The following EML5 variants were observed in gnomAD, a reference collection of about 807,000 sequenced individuals.
EML5 encodes the protein echinoderm microtubule-associated protein-like 5.
In EML5, 120 loss-of-function variants were observed where a neutral mutation model predicts 250.0. The observed-to-expected ratio is 0.48, with a 90% confidence interval of 0.41 to 0.56. EML5 has a LOEUF of 0.56. Among genes scored for constraint, EML5 ranks in the 20% least tolerant of loss-of-function variants. The probability of loss-of-function intolerance (pLI) is 0.00; values close to 1 mark genes in which losing one functional copy is unlikely to be tolerated. For missense variants in EML5, 2,006 were observed against 2,437.6 expected, an observed-to-expected ratio of 0.82 and a Z score of 3.73; for synonymous variants, 771 against 806.5, an observed-to-expected ratio of 0.96 and a Z score of 0.75.
chr14:88,775,509 T>C (rs1205820952), intron 1 of EML5, among the ~76,000 whole-genome samples: 1 of 151,846 alleles, frequency 6.6e-6, no homozygotes, highest in Admixed American at 6.6e-5. Flanking sequence ...TGGCAGGCAG[T>C]GGCTGTAGGG....
chr14:88,647,555 G>A (rs1339809461), intron 28 of EML5, among the ~76,000 whole-genome samples: 1 of 151,628 alleles, frequency 6.6e-6, no homozygotes, highest in African/African-American at 2.4e-5. Flanking sequence ...CAATTAGCCA[G>A]GCCTGTGGCA....
intron 1 of EML5, among the ~76,000 whole-genome samples, chr14:88,777,027 A>G (rs144680945): frequency 6.6e-6 from 1 of 152,190 alleles, no homozygotes; most frequent in East Asian, 1.9e-4. Flanking sequence ...ATTCAAAGTG[A>G]TAACAACAGA....
chr14:88,695,537 T>G, intron 15 of EML5, 83 bp from the exon 16 acceptor site: 1 of 1,242,158 alleles, frequency 8.1e-7, no homozygotes, highest in Non-Finnish European at 1.1e-6. Flanking sequence ...TAAACCCACA[T>G]CCTATATTTA....
chr14:88,783,971 C>A (rs1361119812), intron 1 of EML5, among the ~76,000 whole-genome samples: 1 of 152,030 alleles, frequency 6.6e-6, no homozygotes, highest in African/African-American at 2.4e-5. Context: ...TCTTCTCTGA[C>A]CACAATGGAA....
chr14:88,766,147 G>A (rs1198952832), intron 1 of EML5, among the ~76,000 whole-genome samples: 1 of 152,064 alleles, frequency 6.6e-6, no homozygotes, highest in East Asian at 1.9e-4. Flanking sequence ...TGTCGCCTCA[G>A]GACCCTGTGA....
At chr14:88,661,593 G>C in intron 25 of EML5, 61 bp downstream of exon 25, 1 of 1,443,012 alleles carries the variant, frequency 6.9e-7, no homozygotes, top group Non-Finnish European at 9.5e-7. Context: ...GCTATGACAG[G>C]ACATTACCTT....
intron 1 of EML5, among the ~76,000 whole-genome samples, chr14:88,785,100 C>A (rs979277432): frequency 1.4e-4 from 22 of 152,240 alleles, no homozygotes; most frequent in African/African-American, 5.1e-4. Context: ...AGACAAACAT[C>A]GCATGTTCCC....
Position 88,694,854 on chromosome 14 carries a change from T to C in EML5, c.2439-447A>G, listed in dbSNP as rs146011825. Among the ~76,000 whole-genome samples, 8 of 152,306 alleles carry C rather than the reference T, an allele frequency of 5.3e-5. 1 individual carries two copies. The highest frequency in any genetic ancestry group is 1.9e-4 in the African/African-American group (8 of 41,592). Reference sequence around the variant, plus strand: ...AGTGCTTTAACATCGCTTTAATAAATAGCAGGTTAAAATCTCTGACACTGT... The same window carrying C: ...AGTGCTTTAACATCGCTTTAATAAACAGCAGGTTAAAATCTCTGACACTGT... On this transcript the variant is annotated intron_variant, in intron 16 of 43. Transcript: ENST00000554922.
At chr14:88,651,834 C>T (rs2091644187) in intron 27 of EML5, among the ~76,000 whole-genome samples, 1 of 152,076 alleles carries the variant, frequency 6.6e-6, no homozygotes, top group Non-Finnish European at 1.5e-5. Flanking sequence ...CCTCAGTTAA[C>T]TTTCATTTCA....
chr14:88,646,829 G>A, intron 29 of EML5, 118 bp downstream of exon 29: 2 of 1,004,684 alleles, frequency 2.0e-6, no homozygotes, highest in Non-Finnish European at 2.8e-6. Context: ...GGAAAAAAAT[G>A]TGCAAAACTG....
rs553269335 is a variant in EML5 at position 88,734,133 on chromosome 14, A to G, written c.1049+2231T>C. 3.3e-5 allele frequency among the ~76,000 whole-genome samples: 5 copies of G among 152,272 alleles called. No individual in the cohort carries two copies. The East Asian group carries it at 9.6e-4, about 29-fold the overall frequency. ...AAAGGAGAAAAAGATCAACAACCCT[A>G]CAGAAAAAATGGCAAGAAATGTGGA... On this transcript the variant is annotated intron_variant, in intron 7 of 43. Transcript: ENST00000554922.
intron 12 of EML5, 43 bp downstream of exon 12, chr14:88,705,439 A>T (rs1227677088): frequency 1.4e-6 from 2 of 1,402,726 alleles, no homozygotes; most frequent in Admixed American, 1.9e-5. Flanking sequence ...ATAAAGAAGA[A>T]ATTAGACTTT....
intron 8 of EML5, among the ~76,000 whole-genome samples, chr14:88,723,531 T>C (rs1174714806): frequency 1.3e-5 from 2 of 152,146 alleles, no homozygotes; most frequent in Non-Finnish European, 2.9e-5. Flanking sequence ...ATATACTGTA[T>C]GGCACAGTGA....
At chr14:88,676,753 C>T (rs867119249) in intron 21 of EML5, among the ~76,000 whole-genome samples, 52 of 152,150 alleles carry the variant, frequency 3.4e-4, no homozygotes, top group African/African-American at 1.2e-3. Flanking sequence ...GCTACAGTAA[C>T]CAAAACATCA....
rs1184631068 is a variant in EML5 at position 88,769,840 on chromosome 14, C to T, written c.198-15169G>A. Among the ~76,000 whole-genome samples, 3 of 152,172 alleles carry T rather than the reference C, an allele frequency of 2.0e-5. 1 individual carries two copies. Among genetic ancestry groups the T allele is most frequent in the East Asian group, 1.9e-4 (1 of 5,196 alleles). ...TTCTCCCTTTATTTATAACTTCTTA[C>T]TCCAAGAGTGAGAAACTAGGCTCTC... On this transcript the variant is annotated intron_variant, in intron 1 of 43. Transcript: ENST00000554922.
chr14:88,683,525 A>G (rs538931109), intron 20 of EML5, among the ~76,000 whole-genome samples: 1 of 152,228 alleles, frequency 6.6e-6, no homozygotes, highest in Non-Finnish European at 1.5e-5. Flanking sequence ...CCAGACAAAG[A>G]TATCACAAGA....
rs2093470470 is a variant in EML5, at chr14:88,715,102, G to C, written c.1281C>G (p.Cys427Trp). The C allele has an allele frequency of 6.2e-7, 1 of 1,613,350 alleles. No homozygotes were observed. Among genetic ancestry groups the C allele is most frequent in the African/African-American group, 1.3e-5 (1 of 74,882 alleles). ...CATAAATATCAACCGAGCTGTCATT[G>C]CATCCAACAGCAAGGTAAGTTCCAT... The part of the protein sequence containing the change: ...SPDGTYLAVG[C>W]NDSSVDIYGV... Residue 427 changes from cysteine (C) to tryptophan (W), a missense_variant, in exon 9 of 44, where the codon TGC becomes TGG. Coordinates refer to ENST00000554922, the MANE Select transcript of EML5 (RefSeq NM_183387.3).
At chr14:88,737,446 G>A (rs1427708441) in intron 6 of EML5, among the ~76,000 whole-genome samples, 2 of 152,204 alleles carry the variant, frequency 1.3e-5, no homozygotes, top group Non-Finnish European at 2.9e-5. Context: ...TATAAGCCAA[G>A]CGCAGCCTGC....
In EML5 at chr14:88,671,330, ACTC is replaced by A. The variant is rs544204545; in HGVS notation, c.3125-5844_3125-5842del. The stretch of plus-strand genomic sequence containing the variant: ...AGCCTCATAAGTGAAGGAGAAATAA[ACTC>A]CTTTTTAGACAAGCAAATGCTGAGG... On this transcript the variant is annotated intron_variant, in intron 21 of 43. Coordinates refer to ENST00000554922, the MANE Select transcript of EML5 (RefSeq NM_183387.3). Among the ~76,000 whole-genome samples the A allele has an allele frequency of 1.4e-3, 210 of 152,198 alleles. 1 individual carries two copies. Among genetic ancestry groups the A allele is most frequent in the African/African-American group, 4.9e-3 (204 of 41,516 alleles).
Sources: allele counts gnomAD v4.1 joint callset (sites outside exome capture counted in the v4.1 genomes callset), GRCh38; gene constraint gnomAD v4.1.1; transcripts MANE v1.5; gene names NCBI Gene and HGNC (gene_info 2026-07-23, HGNC 2026-07-21).